The following STK33 variants were observed in gnomAD, a reference collection of about 807,000 sequenced individuals.
The protein encoded by STK33 is serine/threonine kinase 33.
STK33 carries 52 observed loss-of-function variants against 58.0 expected under a neutral mutation model. The observed-to-expected ratio is 0.90, with a 90% CI of 0.72 to 1.13. STK33 has a LOEUF of 1.13. Among genes scored for constraint, STK33 ranks in the 50% most tolerant of loss-of-function variants. The pLI, the probability that STK33 is intolerant of heterozygous loss-of-function variation, is 0.00. For missense variants in STK33, 630 were observed against 604.2 expected (o/e 1.04, Z -0.45); for synonymous variants, 215 against 200.1 (o/e 1.07, Z -0.63).
At chr11:8,352,207 T>C in the STK33 span, among the ~76,000 whole-genome samples, 1 of 152,176 alleles carries the variant, frequency 6.6e-6, no homozygotes, top group Non-Finnish European at 1.5e-5. Context: ...GGAGGAGAGA[T>C]GCTGTGGCCA....
At chr11:8,497,323 C>T (rs751064380) in intron 1 of STK33, among the ~76,000 whole-genome samples, 1 of 152,038 alleles carries the variant, frequency 6.6e-6, no homozygotes, top group Non-Finnish European at 1.5e-5. Flanking sequence ...TGTCAAAAAA[C>T]AAAATCAAAG....
At chr11:8,377,574 CCACT>C in the STK33 span, among the ~76,000 whole-genome samples, 1 of 152,054 alleles carries the variant, frequency 6.6e-6, no homozygotes, top group East Asian at 1.9e-4. Context: ...ACAAAGATGC[CCACT>C]TTCACCACTT....
the STK33 span, among the ~76,000 whole-genome samples, chr11:8,360,709 G>A: frequency 6.6e-6 from 1 of 152,204 alleles, no homozygotes; most frequent in Non-Finnish European, 1.5e-5. Context: ...CCGTTTCCTT[G>A]CTGGCTGGCA....
At chr11:8,528,953 G>C (rs1954287657) in intron 1 of STK33, among the ~76,000 whole-genome samples, 1 of 152,184 alleles carries the variant, frequency 6.6e-6, no homozygotes. Context: ...CACTATGTGA[G>C]TATTACTAGT....
At chr11:8,496,849 C>T (rs980566977) in intron 1 of STK33, among the ~76,000 whole-genome samples, 3 of 152,092 alleles carry the variant, frequency 2.0e-5, no homozygotes, top group Non-Finnish European at 4.4e-5. Context: ...GCTAGGATTA[C>T]AGGCATGAGC....
chr11:8,350,352 G>A, the STK33 span, among the ~76,000 whole-genome samples: 2 of 152,198 alleles, frequency 1.3e-5, no homozygotes, highest in African/African-American at 4.8e-5. Flanking sequence ...AACATAGAAA[G>A]AGCTCAAAGT....
intron 1 of STK33, among the ~76,000 whole-genome samples, chr11:8,562,178 T>TA (rs1218779119): frequency 2.0e-5 from 3 of 152,212 alleles, no homozygotes; most frequent in African/African-American, 7.2e-5. Flanking sequence ...ATGCTTAGAG[T>TA]AAAGCAGTTA....
At chr11:8,413,794 C>A in intron 14 of STK33, 102 bp from the exon 15 acceptor site, 1 of 1,031,322 alleles carries the variant, frequency 9.7e-7, no homozygotes, top group South Asian at 1.5e-5. Flanking sequence ...GTAATAGTCA[C>A]ATGGAAAAGA....
chr11:8,591,820 C>A (rs2032644915), intron 1 of STK33, among the ~76,000 whole-genome samples: 1 of 150,338 alleles, frequency 6.7e-6, no homozygotes, highest in Admixed American at 6.6e-5. Flanking sequence ...AAACATCACA[C>A]ACCAGGGACT....
chr11:8,558,985 G>C (rs950231709), intron 1 of STK33, among the ~76,000 whole-genome samples: 1 of 152,110 alleles, frequency 6.6e-6, no homozygotes, highest in Non-Finnish European at 1.5e-5. Flanking sequence ...ACAAGATTTT[G>C]AAGAATCACA....
chr11:8,472,034 TCA>T (rs1222389773), intron 6 of STK33, among the ~76,000 whole-genome samples: 4 of 152,164 alleles, frequency 2.6e-5, no homozygotes, highest in African/African-American at 9.7e-5. Flanking sequence ...CAAGTGATAC[TCA>T]CATCTCAGCA....
At chr11:8,429,149 TA>T (rs1943116776) in intron 14 of STK33, among the ~76,000 whole-genome samples, 2 of 152,138 alleles carry the variant, frequency 1.3e-5, no homozygotes. Flanking sequence ...CATAAATATC[TA>T]AAAGTGAATG....
At chr11:8,565,166 AT>A (rs1447910847) in intron 1 of STK33, among the ~76,000 whole-genome samples, 1 of 152,136 alleles carries the variant, frequency 6.6e-6, no homozygotes, top group Non-Finnish European at 1.5e-5. Flanking sequence ...GGAAAAAAAA[AT>A]AACAAAGTAG....
the STK33 span, among the ~76,000 whole-genome samples, chr11:8,357,894 G>A: frequency 5.3e-5 from 8 of 152,352 alleles, no homozygotes; most frequent in South Asian, 1.7e-3. Context: ...AATGTCTGAA[G>A]AGGTAAGACA....
intron 1 of STK33, among the ~76,000 whole-genome samples, chr11:8,591,048 C>G (rs1022602710): frequency 1.3e-5 from 2 of 152,202 alleles, no homozygotes; most frequent in African/African-American, 4.8e-5. Context: ...CACATCTTCT[C>G]TTTCAGAAGG....
At chr11:8,371,207 C>G in the STK33 span, among the ~76,000 whole-genome samples, 1 of 152,258 alleles carries the variant, frequency 6.6e-6, no homozygotes. Flanking sequence ...AGTTAAGGAT[C>G]ACAAGATGAA....
intron 15 of STK33, among the ~76,000 whole-genome samples, chr11:8,403,137 G>A (rs530252824): frequency 1.8e-4 from 28 of 152,120 alleles, no homozygotes; most frequent in Non-Finnish European, 4.0e-4. Context: ...AGACTGTTGG[G>A]CATATATTTA....
the STK33 span, among the ~76,000 whole-genome samples, chr11:8,378,655 G>T: frequency 6.6e-6 from 1 of 152,168 alleles, no homozygotes; most frequent in Non-Finnish European, 1.5e-5. Context: ...AACATGTGGG[G>T]ATTATGGGAA....
At chr11:8,557,661 T>C (rs11041981) in intron 1 of STK33, among the ~76,000 whole-genome samples, 68,832 of 151,798 alleles carry the variant, frequency 0.45, 15,942 homozygotes, top group South Asian at 0.64. Flanking sequence ...CCTTTATTCA[T>C]GTATATCATG....
Sources: gnomAD v4.1 joint callset for allele counts (sites outside exome capture counted in the v4.1 genomes callset) on GRCh38, gnomAD v4.1.1 for gene constraint, MANE v1.5 for transcripts, NCBI Gene and HGNC (gene_info 2026-07-23, HGNC 2026-07-21) for gene names.